Variants in CCDC7 observed in about 807,000 individuals in gnomAD.
The protein encoded by CCDC7 is coiled-coil domain containing 7.
A neutral mutation model predicts 196.9 loss-of-function variants in CCDC7; 183 were observed. The observed-to-expected ratio is 0.93, with a 90% CI of 0.82 to 1.05. CCDC7 has a LOEUF of 1.05. CCDC7 is among the 50% of genes least tolerant of loss of function. The pLI, the probability that CCDC7 is intolerant of heterozygous loss-of-function variation, is 0.00. For missense variants in CCDC7, 1,540 were observed against 1,482.2 expected (o/e 1.04, Z -0.64); for synonymous variants, 525 against 484.6 (o/e 1.08, Z -1.10).
At chr10:32,475,356 A>G (rs927210566) in intron 8 of CCDC7, among the ~76,000 whole-genome samples, 1 of 152,220 alleles carries the variant, frequency 6.6e-6, no homozygotes, top group African/African-American at 2.4e-5. Flanking sequence ...CCAATTTCTG[A>G]ATACCACTGT....
intron 8 of CCDC7, among the ~76,000 whole-genome samples, chr10:32,484,731 C>G (rs1266755301): frequency 6.6e-6 from 1 of 152,074 alleles, no homozygotes; most frequent in African/African-American, 2.4e-5. Context: ...TTGTCAAAGG[C>G]CTTTTCTGCA....
At chr10:32,810,652 T>C (rs1274837888) in intron 30 of CCDC7, among the ~76,000 whole-genome samples, 1 of 152,116 alleles carries the variant, frequency 6.6e-6, no homozygotes, top group Admixed American at 6.5e-5. Flanking sequence ...TAAACATCAG[T>C]TTAAACCAAA....
At chr10:32,815,962 C>G (rs978584044) in intron 31 of CCDC7, among the ~76,000 whole-genome samples, 3 of 152,188 alleles carry the variant, frequency 2.0e-5, no homozygotes, top group Non-Finnish European at 4.4e-5. Flanking sequence ...AACTGAGGTA[C>G]CGGGTTCATC....
chr10:32,722,151 T>C (rs2082507462), intron 25 of CCDC7, among the ~76,000 whole-genome samples: 1 of 152,106 alleles, frequency 6.6e-6, no homozygotes, highest in East Asian at 1.9e-4. Flanking sequence ...ACAATAGCAT[T>C]AGGTACTATT....
chr10:32,688,071 CT>C (rs970756233), intron 22 of CCDC7, among the ~76,000 whole-genome samples: 2 of 151,924 alleles, frequency 1.3e-5, no homozygotes, highest in Non-Finnish European at 2.9e-5. Context: ...GTTCATATCT[CT>C]TTTTTTTCCC....
At chr10:32,552,404 T>C (rs895212593) in intron 13 of CCDC7, among the ~76,000 whole-genome samples, 2 of 152,204 alleles carry the variant, frequency 1.3e-5, no homozygotes, top group African/African-American at 4.8e-5. Flanking sequence ...AGTAATGAAA[T>C]GTGAGGTACT....
chr10:32,517,932 G>A lies in CCDC7; in HGVS notation c.873-13G>A, dbSNP rs539955016. The A allele has an allele frequency of 6.1e-5, 96 of 1,586,496 alleles. 1 individual carries two copies. The Admixed American group carries it at 1.6e-3, about 26-fold the overall frequency. ...TACAATTATAAACACACTTTTTTTG[G>A]TTTATTTTTCAGAGCTGTAAATGAT... On this transcript the variant is annotated splice_polypyrimidine_tract_variant and intron_variant, in intron 9 of 41. Transcript: ENST00000639629.
intron 20 of CCDC7, among the ~76,000 whole-genome samples, chr10:32,647,996 A>C (rs1003433620): frequency 1.3e-5 from 2 of 152,238 alleles, no homozygotes; most frequent in Non-Finnish European, 2.9e-5. Flanking sequence ...TTTTGAGTTG[A>C]TACTCATATA....
At chr10:32,858,059 CT>C (rs200019053) in intron 41 of CCDC7, among the ~76,000 whole-genome samples, 20,892 of 151,886 alleles carry the variant, frequency 0.14, 1,731 homozygotes, top group East Asian at 0.25. Flanking sequence ...AAAATATAAG[CT>C]ACCAAGATTG....
At chr10:32,553,420 C>T (rs11813371) in intron 13 of CCDC7, among the ~76,000 whole-genome samples, 8,080 of 152,002 alleles carry the variant, frequency 0.053, 713 homozygotes, top group African/African-American at 0.18. Context: ...CAGGTAAAGC[C>T]GGGATTTCTT....
chr10:32,644,673 G>C lies in CCDC7; in HGVS notation c.2014+9515G>C, dbSNP rs376142500. On this transcript the variant is annotated intron_variant, in intron 20 of 41. Coordinates refer to ENST00000639629, the Ensembl canonical transcript of CCDC7. ...CGAGGGCGATTTCCCCCATACTGCT[G>C]CTAGTGAATAAGTCTCATGAGCTCT... 3.9e-5 allele frequency among the ~76,000 whole-genome samples: 6 copies of C among 152,252 alleles called. No individual in the cohort carries two copies. In the East Asian group the frequency reaches 1.2e-3, roughly 29 times the overall value.
intron 9 of CCDC7, among the ~76,000 whole-genome samples, chr10:32,503,954 G>T (rs1419057454): frequency 1.3e-5 from 2 of 151,420 alleles, no homozygotes; most frequent in African/African-American, 4.8e-5. Flanking sequence ...TATTTCTATG[G>T]TATCAGTTGT....
At chr10:32,622,538 A>G (rs1339562016) in intron 18 of CCDC7, among the ~76,000 whole-genome samples, 1 of 152,000 alleles carries the variant, frequency 6.6e-6, no homozygotes, top group Non-Finnish European at 1.5e-5. Flanking sequence ...TTTTTAGGAT[A>G]TAGAATTGAC....
chr10:32,470,966 A>T, intron 5 of CCDC7, 98 bp from the exon 7 acceptor site: 1 of 1,195,316 alleles, frequency 8.4e-7, no homozygotes, highest in African/African-American at 1.6e-5. Flanking sequence ...AAAAATATAA[A>T]AATTACTTTG....
At chr10:32,598,171 C>T (rs138885538) in intron 18 of CCDC7, among the ~76,000 whole-genome samples, 32 of 152,244 alleles carry the variant, frequency 2.1e-4, no homozygotes, top group East Asian at 5.8e-4. Flanking sequence ...AGCTTCCTGG[C>T]GGCTTTGTTT....
In CCDC7 at chr10:32,821,054, T is replaced by C. The variant is rs569064017; in HGVS notation, c.3182-3464T>C. The stretch of plus-strand genomic sequence containing the variant: ...AACCTACAGAATGGGAGAAAATTTT[T>C]ACAATCTACCCATCTGACAAAGGGC... On this transcript the variant is annotated intron_variant, in intron 31 of 41. Transcript: ENST00000639629. Among the ~76,000 whole-genome samples, 33 of 152,294 alleles carry C rather than the reference T, an allele frequency of 2.2e-4. No individual in the cohort carries two copies. In the South Asian group the frequency reaches 3.7e-3, roughly 17 times the overall value.
At chr10:32,535,407 A>G (rs1293121820) in intron 11 of CCDC7, among the ~76,000 whole-genome samples, 1 of 152,274 alleles carries the variant, frequency 6.6e-6, no homozygotes, top group East Asian at 1.9e-4. Flanking sequence ...TTGGTTTTAT[A>G]CATTTTAGGG....
At chr10:32,619,083 A>T (rs1439614571) in intron 18 of CCDC7, among the ~76,000 whole-genome samples, 1 of 151,860 alleles carries the variant, frequency 6.6e-6, no homozygotes, top group Non-Finnish European at 1.5e-5. Context: ...TTGTTCTAGA[A>T]TTTCTGCTTG....
intron 8 of CCDC7, among the ~76,000 whole-genome samples, chr10:32,482,253 A>G (rs971264490): frequency 1.3e-5 from 2 of 151,996 alleles, no homozygotes; most frequent in African/African-American, 2.4e-5. Context: ...TTACATGTAT[A>G]TATTGTGTCG....
Sources: allele counts gnomAD v4.1 joint callset (sites outside exome capture counted in the v4.1 genomes callset), GRCh38; gene constraint gnomAD v4.1.1; transcripts MANE v1.5; gene names NCBI Gene and HGNC (gene_info 2026-07-23, HGNC 2026-07-21).